The following BBS9 variants were observed in gnomAD, a reference collection of about 807,000 sequenced individuals.
BBS9 encodes the protein Bardet-Biedl syndrome 9.
BBS9 carries 89 observed loss-of-function variants against 117.7 expected under a neutral mutation model. The observed-to-expected ratio is 0.76, with a 90% CI of 0.64 to 0.90. The LOEUF (loss-of-function observed/expected upper bound fraction) is 0.90, where lower values mean the gene tolerates loss of function less well. Ranked by LOEUF, BBS9 falls within the 40% of genes least tolerant of loss-of-function variation. The pLI, the probability that BBS9 is intolerant of heterozygous loss-of-function variation, is 0.00. For missense variants in BBS9, 982 were observed against 1,042.2 expected (o/e 0.94, Z 0.80); for synonymous variants, 379 against 370.9 (o/e 1.02, Z -0.25).
At chr7:33,248,896 C>T (rs1002693672) in intron 5 of BBS9, among the ~76,000 whole-genome samples, 5 of 152,018 alleles carry the variant, frequency 3.3e-5, no homozygotes, top group African/African-American at 1.2e-4. Flanking sequence ...TGGAGAAAGA[C>T]CAAATATTTT....
rs145158371 is a variant in BBS9 at position 33,251,129 on chromosome 7, G to A, written c.443-6107G>A. On this transcript the variant is annotated intron_variant, in intron 5 of 22. Transcript: ENST00000242067. Reference sequence around the variant, plus strand: ...ACTTCAGTATCTACAGGAATGAATTGCCTGCAGAGTTCAGAGGAAGATTTG... The same window carrying A: ...ACTTCAGTATCTACAGGAATGAATTACCTGCAGAGTTCAGAGGAAGATTTG... Among the ~76,000 whole-genome samples, 97 of 152,286 alleles carry A rather than the reference G, an allele frequency of 6.4e-4. No individual in the cohort carries two copies. The East Asian group carries it at 0.011, about 17-fold the overall frequency.
chr7:33,407,878 G>T (rs1458826323), intron 19 of BBS9, among the ~76,000 whole-genome samples: 2 of 152,234 alleles, frequency 1.3e-5, no homozygotes, highest in East Asian at 3.8e-4. Flanking sequence ...CTGCTCGTGG[G>T]TCAGGGGTCA....
At chr7:33,274,251 A>C (rs1216980729) in intron 9 of BBS9, among the ~76,000 whole-genome samples, 2 of 152,224 alleles carry the variant, frequency 1.3e-5, no homozygotes, top group African/African-American at 4.8e-5. Flanking sequence ...TTCAGAATAC[A>C]AAAATATTTC....
chr7:33,626,552 G>A (rs765770834), intron 21 of BBS9, among the ~76,000 whole-genome samples: 10 of 152,218 alleles, frequency 6.6e-5, no homozygotes, highest in South Asian at 2.1e-4. Flanking sequence ...TGACCAAAAT[G>A]CTGATAGTGA....
At chr7:33,239,926 A>G (rs1024079271) in intron 5 of BBS9, among the ~76,000 whole-genome samples, 1 of 152,084 alleles carries the variant, frequency 6.6e-6, no homozygotes, top group Non-Finnish European at 1.5e-5. Flanking sequence ...GGAGGATCCC[A>G]TGAGTCCAGG....
intron 18 of BBS9, among the ~76,000 whole-genome samples, chr7:33,385,433 C>T (rs181047571): frequency 3.9e-4 from 59 of 152,278 alleles, no homozygotes; most frequent in African/African-American, 1.3e-3. Flanking sequence ...GTGTAAATTT[C>T]ATGAAGGCAG....
rs532787722 is a variant in BBS9 at position 33,278,875 on chromosome 7, T to G, written c.1016+4919T>G. Among the ~76,000 whole-genome samples the G allele has an allele frequency of 1.9e-3, 282 of 152,354 alleles. 1 individual carries two copies. Among genetic ancestry groups the G allele is most frequent in the African/African-American group, 6.1e-3 (252 of 41,578 alleles). On this transcript the variant is annotated intron_variant, in intron 9 of 22. Transcript: ENST00000242067. ...TTGTAACTGTCTGACGAGTTCTTCC[T>G]GCTCACTGTACAAACAAAATTAATT... is the stretch of plus-strand genomic sequence containing the variant.
rs1800104267 is a variant in BBS9, at chr7:33,273,072, C to T, written c.763C>T (p.Gln255Ter). 6.2e-7 allele frequency: 1 copy of T among 1,613,538 alleles called. No homozygotes were observed. ...ALDICIVSFN[Q>*]SASSVFVLGE... ...TGACATATGTATTGTCTCTTTCAATCAGTCGGCATCCTCTGTTTTTGTTCT... is the reference window on the plus strand; with the variant it reads ...TGACATATGTATTGTCTCTTTCAATTAGTCGGCATCCTCTGTTTTTGTTCT... The change falls in exon 8 of 23, where the codon CAG becomes TAG. Residue 255 changes from glutamine (Q) to a stop codon, truncating the protein, a stop_gained. Coordinates refer to ENST00000242067, the MANE Select transcript of BBS9 (RefSeq NM_198428.3). LOFTEE classifies it high-confidence loss of function.
At chr7:33,217,273 A>C (rs886711859) in intron 5 of BBS9, among the ~76,000 whole-genome samples, 4 of 151,974 alleles carry the variant, frequency 2.6e-5, no homozygotes, top group African/African-American at 9.7e-5. Flanking sequence ...ATTTTCTCAT[A>C]TGTTGATGTA....
chr7:33,339,557 A>G (rs1042169181), intron 10 of BBS9, among the ~76,000 whole-genome samples: 6 of 152,208 alleles, frequency 3.9e-5, no homozygotes, highest in Non-Finnish European at 5.9e-5. Context: ...TAGCTGATTC[A>G]TATTTTCAGT....
Position 33,463,203 on chromosome 7 carries a change from A to G in BBS9, c.2116-42260A>G, listed in dbSNP as rs1180349801. Among the ~76,000 whole-genome samples the G allele has an allele frequency of 4.7e-4, 72 of 152,238 alleles. 1 individual carries two copies. The highest frequency in any genetic ancestry group is 2.2e-4 in the Non-Finnish European group (15 of 67,980). On this transcript the variant is annotated intron_variant, in intron 19 of 22. Transcript: ENST00000242067. The stretch of plus-strand genomic sequence containing the variant: ...CTATTGTGCAGCTGAACAGACAGAC[A>G]ATTGACAAAACCAAACCAAAATCCT...
chr7:33,505,788 A>G (rs1293884860), intron 20 of BBS9, 143 bp downstream of exon 20: 3 of 884,070 alleles, frequency 3.4e-6, no homozygotes, highest in African/African-American at 1.7e-5. Flanking sequence ...CTTGTCTTTA[A>G]ACCATAATAA....
At chr7:33,154,526 C>T (rs1215247922) in intron 3 of BBS9, among the ~76,000 whole-genome samples, 8 of 152,100 alleles carry the variant, frequency 5.3e-5, no homozygotes, top group Admixed American at 3.9e-4. Context: ...AGTGCAATGG[C>T]GTGATCTCAG....
chr7:33,146,471 G>A (rs1473902464), intron 2 of BBS9, 107 bp downstream of exon 2: 4 of 822,820 alleles, frequency 4.9e-6, no homozygotes, highest in Non-Finnish European at 6.3e-6. Flanking sequence ...GGAGGCCGAC[G>A]TGGGCAGATC....
chr7:33,409,416 C>T (rs1830694960), intron 19 of BBS9, among the ~76,000 whole-genome samples: 1 of 152,128 alleles, frequency 6.6e-6, no homozygotes, highest in Non-Finnish European at 1.5e-5. Flanking sequence ...AATAGGGAGT[C>T]TCTTCCCCAT....
intron 3 of BBS9, among the ~76,000 whole-genome samples, chr7:33,154,507 C>T (rs1468789969): frequency 6.6e-6 from 1 of 152,106 alleles, no homozygotes; most frequent in African/African-American, 2.4e-5. Context: ...CTCTCGTCGC[C>T]CAGACTGGAG....
Position 33,206,480 on chromosome 7 carries a change from A to T in BBS9, c.442+28889A>T, listed in dbSNP as rs1786946458. Among the ~76,000 whole-genome samples, 3 of 152,232 alleles carry T rather than the reference A, an allele frequency of 2.0e-5. No homozygotes were observed. The East Asian group carries it at 5.8e-4, about 29-fold the overall frequency. On this transcript the variant is annotated intron_variant, in intron 5 of 22. Coordinates refer to ENST00000242067, the MANE Select transcript of BBS9 (RefSeq NM_198428.3). ...GAGGTTAAAAATAAGACGTAACTTT[A>T]TCCCTTTACCCAGGTTTGCCTATTG...
chr7:33,581,905 CT>C (rs1010860734), intron 21 of BBS9, among the ~76,000 whole-genome samples: 2 of 150,118 alleles, frequency 1.3e-5, no homozygotes, highest in Non-Finnish European at 3.0e-5. Context: ...CTTTTTTTTT[CT>C]TTTCTTATTT....
chr7:33,489,766 C>G (rs1395349664), intron 19 of BBS9, among the ~76,000 whole-genome samples: 1 of 152,114 alleles, frequency 6.6e-6, no homozygotes, highest in Non-Finnish European at 1.5e-5. Flanking sequence ...TTTCCTGAAG[C>G]TTCACGTGCT....
Sources: allele counts gnomAD v4.1 joint callset (sites outside exome capture counted in the v4.1 genomes callset), GRCh38; gene constraint gnomAD v4.1.1; transcripts MANE v1.5; gene names NCBI Gene and HGNC (gene_info 2026-07-23, HGNC 2026-07-21).